TRAF2: variants seen among roughly 807,000 people sequenced by gnomAD.
The protein encoded by TRAF2 is TNF receptor-associated factor 2.
TRAF2 carries 6 observed loss-of-function variants against 55.6 expected under a neutral mutation model. That is an observed-to-expected ratio of 0.11 (90% CI 0.06 to 0.21). The LOEUF (loss-of-function observed/expected upper bound fraction) is 0.21. TRAF2 is among the 10% of genes least tolerant of loss of function. The pLI, the probability that TRAF2 is intolerant of heterozygous loss-of-function variation, is 1.00. For missense variants in TRAF2, 561 were observed against 684.5 expected (o/e 0.82, Z 2.01); for synonymous variants, 329 against 276.3 (o/e 1.19, Z -1.89).
intron 2 of TRAF2, 46 bp downstream of exon 2, chr9:136,898,974 T>A: frequency 6.5e-7 from 1 of 1,544,772 alleles, no homozygotes; most frequent in Non-Finnish European, 8.7e-7. Flanking sequence ...CAGGCTAGGC[T>A]GGTTTTAGAG....
chr9:136,886,471 G>C (rs931975305), upstream of TRAF2: 20 of 1,003,858 alleles, frequency 2.0e-5, no homozygotes, highest in African/African-American at 3.5e-4. Context: ...CGGCGGAGCG[G>C]CGGCGGCGGC....
At chr9:136,914,473 T>G (rs1197903907) in intron 6 of TRAF2, among the ~76,000 whole-genome samples, 1 of 152,252 alleles carries the variant, frequency 6.6e-6, no homozygotes, top group African/African-American at 2.4e-5. Context: ...GTGACAGTTC[T>G]GTTTCATTCC....
chr9:136,909,999 G>A lies in TRAF2; in HGVS notation c.603+5G>A, dbSNP rs997948702. ...AAGAAGATCCCCCGGGAGAAGGTGA[G>A]TGTCCTTCACCTCCTTGGAGGACCG... On this transcript the variant is annotated splice_donor_5th_base_variant and intron_variant, in intron 6 of 10. Coordinates refer to ENST00000247668, the MANE Select transcript of TRAF2 (RefSeq NM_021138.4). 23 of 1,613,370 alleles carry A rather than the reference G, an allele frequency of 1.4e-5. No homozygotes were observed. Among genetic ancestry groups the A allele is most frequent in the Non-Finnish European group, 1.9e-5 (23 of 1,179,730 alleles).
At position 136,910,127 on chromosome 9, in the gene TRAF2, G is replaced by A. The variant is rs1564414953; in HGVS notation, c.603+133G>A. The A allele has an allele frequency of 1.0e-5, 10 of 999,864 alleles. No individual in the cohort carries two copies. In the South Asian group the frequency reaches 1.1e-4, roughly 11 times the overall value. The allele number at this position is 999,864 out of a possible 1,614,324, so 61.9% of individuals were successfully genotyped here. ...AACAGCAGTGCAAAGCCCCTGTAAC[G>A]TTGGGTCATGGATGCGTTCAGGGTG... On this transcript the variant is annotated intron_variant, in intron 6 of 10. Coordinates refer to ENST00000247668, the MANE Select transcript of TRAF2 (RefSeq NM_021138.4).
At chr9:136,882,637 G>A (rs903823758), upstream of TRAF2, 49 of 985,530 alleles carry the variant, frequency 5.0e-5, no homozygotes, top group Admixed American at 1.8e-4. Flanking sequence ...TGGAGGCCTG[G>A]GTGGCTGACT....
chr9:136,925,460 T>G (rs1850506404), intron 10 of TRAF2, among the ~76,000 whole-genome samples: 1 of 152,192 alleles, frequency 6.6e-6, no homozygotes, highest in South Asian at 2.1e-4. Context: ...GGACACAGAT[T>G]CCCCAGAGAG....
At chr9:136,888,352 AC>A (rs1216162762) in intron 1 of TRAF2, among the ~76,000 whole-genome samples, 1 of 151,708 alleles carries the variant, frequency 6.6e-6, no homozygotes, top group Non-Finnish European at 1.5e-5. Flanking sequence ...AATGGCGTGA[AC>A]CCGGGAGGCG....
In TRAF2 at chr9:136,916,601, G is replaced by A. The variant is rs1252947503; in HGVS notation, c.664G>A (p.Gly222Ser). The A allele has an allele frequency of 3.1e-6, 5 of 1,613,812 alleles. No individual in the cohort carries two copies. The highest frequency in any genetic ancestry group is 1.7e-5 in the Admixed American group (1 of 60,000). The change falls in exon 7 of 11, where the codon GGC (glycine) becomes AGC (serine). Residue 222 changes from glycine to serine, a missense_variant. Gly to Ser is a moderately conservative substitution (Grantham distance 56, BLOSUM62 0). This residue lies in a region of TRAF2 where 426 missense variants were observed against 476.8 expected (regional missense o/e 0.89). Coordinates refer to ENST00000247668, the MANE Select transcript of TRAF2 (RefSeq NM_021138.4). ...CRVPCRFHAI[G>S]CLETVEGEKQ... Reference sequence around the variant, plus strand: ...AGTCCCTTGCAGATTCCACGCCATCGGCTGCCTCGAGACGGTGAGTCGGGG... The same window carrying A: ...AGTCCCTTGCAGATTCCACGCCATCAGCTGCCTCGAGACGGTGAGTCGGGG...
intron 9 of TRAF2, among the ~76,000 whole-genome samples, chr9:136,922,779 G>A (rs1850422906): frequency 7.6e-6 from 1 of 131,944 alleles, no homozygotes; most frequent in African/African-American, 2.9e-5. Context: ...AGGACGGGGG[G>A]AGGATGGGCC....
Position 136,920,245 on chromosome 9 carries a change from G to A in TRAF2, c.690G>A (p.Glu230=). ...AIGCLETVEG[E]KQQEHEVQWL... is the part of the protein sequence containing the mutation. Reference sequence around the variant, plus strand: ...CCCTGTGTCCGCAGGTAGAGGGTGAGAAACAGCAGGAGCACGAGGTGCAGT... The same window carrying A: ...CCCTGTGTCCGCAGGTAGAGGGTGAAAAACAGCAGGAGCACGAGGTGCAGT... The change falls in exon 8 of 11, where the codon GAG becomes GAA. Residue 230 remains glutamate, a synonymous_variant. Transcript: ENST00000247668. 6.2e-7 allele frequency: 1 copy of A among 1,609,994 alleles called. No individual in the cohort carries two copies.
chr9:136,886,239 C>G (rs1849443036), upstream of TRAF2: 1 of 240,074 alleles, frequency 4.2e-6, no homozygotes, highest in Admixed American at 6.5e-5. Flanking sequence ...CGCACCAACG[C>G]CCCGGCGCGC....
chr9:136,906,619 A>G (rs1849959175), intron 4 of TRAF2, among the ~76,000 whole-genome samples: 1 of 152,224 alleles, frequency 6.6e-6, no homozygotes, highest in Non-Finnish European at 1.5e-5. Flanking sequence ...AAACCATATC[A>G]GTGACAAAGT....
At chr9:136,901,041 C>T (rs775237526) in intron 4 of TRAF2, among the ~76,000 whole-genome samples, 15 of 152,178 alleles carry the variant, frequency 9.9e-5, no homozygotes, top group Non-Finnish European at 2.1e-4. Flanking sequence ...ACACACTTGT[C>T]CTGTGGTCAC....
At chr9:136,890,299 A>C (rs1849555243) in intron 1 of TRAF2, 1 of 152,292 alleles carries the variant, frequency 6.6e-6, no homozygotes. Flanking sequence ...TTTTAGAGTA[A>C]AACTGATCTG....
chr9:136,908,755 A>G lies in TRAF2; in HGVS notation c.528+524A>G, dbSNP rs182681697. ...CATGGTGGCGGGCGCCTGCAGTCCC[A>G]GCTACTCAGGAGGCTAAGGCGGGAG... On this transcript the variant is annotated intron_variant, in intron 5 of 10. Coordinates refer to ENST00000247668, the MANE Select transcript of TRAF2 (RefSeq NM_021138.4). 4.5e-3 allele frequency among the ~76,000 whole-genome samples: 683 copies of G among 152,042 alleles called. 5 individuals carry two copies. Among genetic ancestry groups the G allele is most frequent in the African/African-American group, 0.016 (652 of 41,476 alleles).
intron 7 of TRAF2, among the ~76,000 whole-genome samples, chr9:136,918,255 A>ATTTATT (rs1554781766): frequency 1.2e-3 from 28 of 23,352 alleles, no homozygotes; most frequent in African/African-American, 5.2e-3. Flanking sequence ...ATATATATAT[A>ATTTATT]TATTTATTTA....
rs201377057 is a variant in TRAF2 at position 136,909,940 on chromosome 9, C to T, written c.549C>T (p.Pro183=). The T allele has an allele frequency of 5.0e-6, 8 of 1,614,150 alleles. No homozygotes were observed. In the South Asian group the frequency reaches 5.5e-5, roughly 11 times the overall value. The change falls in exon 6 of 11, where the codon CCC becomes CCT. Residue 183 remains proline, a synonymous_variant. Transcript: ENST00000247668. ...TGAAGGCGCACCACGAGGTCTGCCCCAAGTTCCCCTTAACTTGTGACGGCT... is the reference window on the plus strand; with the variant it reads ...TGAAGGCGCACCACGAGGTCTGCCCTAAGTTCCCCTTAACTTGTGACGGCT... ...ADVKAHHEVC[P]KFPLTCDGCG... is the part of the protein sequence containing the mutation.
At chr9:136,907,986 C>G in intron 4 of TRAF2, 84 bp from the exon 5 acceptor site, 1 of 1,517,736 alleles carries the variant, frequency 6.6e-7, no homozygotes, top group Non-Finnish European at 8.8e-7. Context: ...GCCAGCGCTA[C>G]ATCGCCTTGT....
At chr9:136,921,407 C>T (rs1007817129) in intron 9 of TRAF2, among the ~76,000 whole-genome samples, 192 bp downstream of exon 9, 2 of 151,946 alleles carry the variant, frequency 1.3e-5, no homozygotes, top group East Asian at 1.9e-4. Flanking sequence ...TGGGTGCCCT[C>T]GGGCAGGGGT....
Sources: gnomAD v4.1 joint callset for allele counts (sites outside exome capture counted in the v4.1 genomes callset) on GRCh38, gnomAD v4.1.1 for gene constraint, gnomAD v4.1.1 regional missense constraint, MANE v1.5 for transcripts, NCBI Gene and HGNC (gene_info 2026-07-23, HGNC 2026-07-21) for gene names.